The following LRMDA variants were observed in gnomAD, a reference collection of about 807,000 sequenced individuals.
The protein encoded by LRMDA is leucine rich melanocyte differentiation associated.
LRMDA carries 18 observed loss-of-function variants against 29.8 expected under a neutral mutation model. The ratio of observed to expected loss-of-function variants is 0.60; its 90% CI spans 0.42 to 0.90. The LOEUF (loss-of-function observed/expected upper bound fraction) is 0.90. LRMDA is among the 40% of genes least tolerant of loss of function. The pLI, the probability that LRMDA is intolerant of heterozygous loss-of-function variation, is 0.00. For missense variants in LRMDA, 273 were observed against 273.9 expected (o/e 1.00, Z 0.02); for synonymous variants, 125 against 109.4 (o/e 1.14, Z -0.89).
chr10:75,900,118 A>G (rs1036016989), intron 2 of LRMDA, among the ~76,000 whole-genome samples: 1 of 152,230 alleles, frequency 6.6e-6, no homozygotes, highest in African/African-American at 2.4e-5. Flanking sequence ...TGGTATAATT[A>G]CTGATTGTAT....
Position 76,500,865 on chromosome 10 carries a change from AT to A in LRMDA, c.602-56343del, listed in dbSNP as rs1456427634. Among the ~76,000 whole-genome samples the A allele has an allele frequency of 6.7e-5, 5 of 74,518 alleles. 2 individuals carry two copies. Among genetic ancestry groups the A allele is most frequent in the African/African-American group, 1.3e-4 (4 of 30,808 alleles). The allele number at this position is 74,518 out of a possible 152,430, so 48.9% of individuals were successfully genotyped here. A position where few individuals can be genotyped will look rare whatever the true frequency, so the allele number is the denominator to read the frequency against. On this transcript the variant is annotated intron_variant, in intron 6 of 6. Coordinates refer to ENST00000611255, the MANE Select transcript of LRMDA (RefSeq NM_001305581.2). ...TTTTCTGCCTTTTTTTAAAAAAAAA[AT>A]AAAAGTAACTTCAACATTTATTTTA...
chr10:75,605,151 A>T (rs941404651), intron 2 of LRMDA, among the ~76,000 whole-genome samples: 2 of 152,204 alleles, frequency 1.3e-5, no homozygotes, highest in African/African-American at 4.8e-5. Flanking sequence ...ATGACTAAAT[A>T]CTGTGCAGTG....
chr10:75,819,870 G>T (rs1844126864), intron 2 of LRMDA, among the ~76,000 whole-genome samples: 1 of 152,164 alleles, frequency 6.6e-6, no homozygotes, highest in Non-Finnish European at 1.5e-5. Context: ...ATGGCAAATT[G>T]AGATGTGCCA....
chr10:75,850,634 A>T (rs1844716100), intron 2 of LRMDA, among the ~76,000 whole-genome samples: 1 of 152,148 alleles, frequency 6.6e-6, no homozygotes. Context: ...GTAACATATT[A>T]AAAAATATTG....
intron 5 of LRMDA, among the ~76,000 whole-genome samples, chr10:76,099,104 A>G (rs1849357735): frequency 6.6e-6 from 1 of 152,078 alleles, no homozygotes; most frequent in Admixed American, 6.5e-5. Context: ...CAGCTACATG[A>G]CTCCTAAACC....
chr10:75,740,806 G>A (rs761379719), intron 2 of LRMDA, among the ~76,000 whole-genome samples: 3 of 152,170 alleles, frequency 2.0e-5, no homozygotes, highest in Non-Finnish European at 4.4e-5. Context: ...ATTCATAAAT[G>A]ACTCATGAAT....
At chr10:75,590,790 C>G (rs1196951588) in intron 2 of LRMDA, among the ~76,000 whole-genome samples, 1 of 110,404 alleles carries the variant, frequency 9.1e-6, no homozygotes, top group Non-Finnish European at 1.7e-5. Context: ...TTGCTGTCAC[C>G]CAGGTTGGAG....
chr10:76,235,591 C>T (rs1343361036), intron 5 of LRMDA, among the ~76,000 whole-genome samples: 2 of 152,098 alleles, frequency 1.3e-5, no homozygotes, highest in Non-Finnish European at 2.9e-5. Flanking sequence ...CAGGGTCTTT[C>T]TGGGTGTGGT....
intron 5 of LRMDA, among the ~76,000 whole-genome samples, chr10:76,255,021 T>C (rs1362523469): frequency 6.6e-6 from 1 of 152,186 alleles, no homozygotes; most frequent in Non-Finnish European, 1.5e-5. Context: ...CTATTTTCAC[T>C]CAGCCTTTCA....
intron 2 of LRMDA, among the ~76,000 whole-genome samples, chr10:75,456,335 G>C (rs975370709): frequency 6.6e-6 from 1 of 152,240 alleles, no homozygotes; most frequent in African/African-American, 2.4e-5. Context: ...AGGCCCTGTG[G>C]GCTGGCTCTG....
intron 5 of LRMDA, among the ~76,000 whole-genome samples, chr10:76,134,573 T>G (rs1004747867): frequency 6.6e-6 from 1 of 152,232 alleles, no homozygotes; most frequent in African/African-American, 2.4e-5. Context: ...TATTTTATTA[T>G]GAGCTGATCT....
At chr10:76,094,699 A>G (rs1849286753) in intron 5 of LRMDA, among the ~76,000 whole-genome samples, 1 of 152,242 alleles carries the variant, frequency 6.6e-6, no homozygotes, top group Non-Finnish European at 1.5e-5. Flanking sequence ...AAAGGAAAGT[A>G]ACATTCCCAT....
At chr10:76,238,049 C>A (rs546690628) in intron 5 of LRMDA, among the ~76,000 whole-genome samples, 1 of 152,046 alleles carries the variant, frequency 6.6e-6, no homozygotes, top group Non-Finnish European at 1.5e-5. Flanking sequence ...CCTTGGCCTC[C>A]CAAACTGCTG....
At chr10:75,703,823 G>T (rs548874927) in intron 2 of LRMDA, among the ~76,000 whole-genome samples, 2 of 152,300 alleles carry the variant, frequency 1.3e-5, no homozygotes, top group East Asian at 3.9e-4. Context: ...TTTAGGATCG[G>T]CATGTGGAAA....
chr10:75,720,300 G>A (rs1003632818), intron 2 of LRMDA, among the ~76,000 whole-genome samples: 3 of 152,134 alleles, frequency 2.0e-5, no homozygotes, highest in Non-Finnish European at 2.9e-5. Context: ...GAGAACACAC[G>A]GGCAGGAGAC....
chr10:76,221,150 C>T (rs1851826379), intron 5 of LRMDA, among the ~76,000 whole-genome samples: 1 of 151,550 alleles, frequency 6.6e-6, no homozygotes, highest in South Asian at 2.1e-4. Context: ...CTATGACAAA[C>T]CCACAGCCAA....
At chr10:75,720,542 C>T (rs1041718633) in intron 2 of LRMDA, among the ~76,000 whole-genome samples, 6 of 152,150 alleles carry the variant, frequency 3.9e-5, no homozygotes, top group African/African-American at 9.7e-5. Flanking sequence ...TACTTTTTAG[C>T]GAGCTTAACA....
chr10:76,001,037 T>C (rs1304228304), intron 2 of LRMDA, among the ~76,000 whole-genome samples: 1 of 152,136 alleles, frequency 6.6e-6, no homozygotes, highest in East Asian at 1.9e-4. Flanking sequence ...AACTTGCCCA[T>C]AGTGAAGTCA....
At chr10:75,570,374 A>T (rs557897013) in intron 2 of LRMDA, among the ~76,000 whole-genome samples, 1 of 152,318 alleles carries the variant, frequency 6.6e-6, no homozygotes, top group South Asian at 2.1e-4. Flanking sequence ...ACAGTGGTGG[A>T]CAGGAGAGAA....
Sources: allele counts gnomAD v4.1 joint callset (sites outside exome capture counted in the v4.1 genomes callset), GRCh38; gene constraint gnomAD v4.1.1; transcripts MANE v1.5; gene names NCBI Gene and HGNC (gene_info 2026-07-23, HGNC 2026-07-21).